Variants in MAPK8 observed in about 807,000 individuals in gnomAD.
MAPK8 encodes JUN N-terminal kinase.
In MAPK8, 13 loss-of-function variants were observed where a neutral mutation model predicts 52.9. That is an observed-to-expected ratio of 0.25 (90% CI 0.16 to 0.39). The LOEUF is 0.39. MAPK8 is among the 10% of genes least tolerant of loss of function. The pLI, the probability that MAPK8 is intolerant of heterozygous loss-of-function variation, is 1.00. For synonymous variants in MAPK8, 191 were observed against 169.8 expected, an observed-to-expected ratio of 1.12 and a Z score of -0.97; for missense variants, 300 against 519.2, an observed-to-expected ratio of 0.58 and a Z score of 4.10.
At chr10:48,341,915 A>G (rs114031812) in intron 1 of MAPK8, among the ~76,000 whole-genome samples, 1,664 of 152,354 alleles carry the variant, frequency 0.011, 34 homozygotes, top group African/African-American at 0.038. Context: ...TTGCACAGCA[A>G]TCTAGGCTGA....
At chr10:48,426,187 G>A in intron 8 of MAPK8, 117 bp downstream of exon 8, 1 of 1,029,598 alleles carries the variant, frequency 9.7e-7, no homozygotes, top group South Asian at 2.3e-5. Flanking sequence ...GGTTTTCTCT[G>A]GATGGTGGGG....
chr10:48,435,216 A>G lies in MAPK8; in HGVS notation c.*187A>G, dbSNP rs2044758872. On this transcript the variant is annotated 3_prime_UTR_variant, in exon 12 of 12. Coordinates refer to ENST00000374189, the MANE Select transcript of MAPK8 (RefSeq NM_001323329.2). ...AATTTAAAACCTAAGTTGTGTTTCAAAACAGCAACAAAACTGTATTGTATT... is the reference window on the plus strand; with the variant it reads ...AATTTAAAACCTAAGTTGTGTTTCAGAACAGCAACAAAACTGTATTGTATT... 2.1e-6 allele frequency: 1 copy of G among 468,640 alleles called. No individual in the cohort carries two copies. Among genetic ancestry groups the G allele is most frequent in the African/African-American group, 2.0e-5 (1 of 50,176 alleles). The allele number at this position is 468,640 out of a possible 1,614,324, so 29.0% of individuals were successfully genotyped here. A position where few individuals can be genotyped will look rare whatever the true frequency, so the allele number is the denominator to read the frequency against.
chr10:48,392,911 G>A lies in MAPK8; in HGVS notation c.-49-8701G>A, dbSNP rs73307982. Among the ~76,000 whole-genome samples the A allele has an allele frequency of 3.5e-3, 531 of 152,178 alleles. 4 individuals carry two copies. The highest frequency in any genetic ancestry group is 0.012 in the African/African-American group (518 of 41,528). ...GGCAGCTCATTTTAATCTAGCTTCT[G>A]CTGCGTTCGCTCTACTCAAATGGCT... On this transcript the variant is annotated intron_variant, in intron 1 of 11. Transcript: ENST00000374189.
At chr10:48,316,134 A>G (rs1242980702) in intron 1 of MAPK8, among the ~76,000 whole-genome samples, 1 of 152,204 alleles carries the variant, frequency 6.6e-6, no homozygotes, top group African/African-American at 2.4e-5. Context: ...GTCTTATTTG[A>G]TGATACAGTC....
intron 2 of MAPK8, among the ~76,000 whole-genome samples, chr10:48,402,159 G>A (rs1301956001): frequency 1.3e-5 from 2 of 152,032 alleles, no homozygotes; most frequent in South Asian, 4.1e-4. Flanking sequence ...TTCAGATTTG[G>A]GATAATAACC....
chr10:48,420,956 T>G (rs1364480123), intron 6 of MAPK8, among the ~76,000 whole-genome samples: 4 of 152,256 alleles, frequency 2.6e-5, no homozygotes, highest in Non-Finnish European at 5.9e-5. Flanking sequence ...TTTAAACATT[T>G]TGTATGCATA....
At chr10:48,414,448 A>ATTTT (rs3047768) in intron 5 of MAPK8, among the ~76,000 whole-genome samples, 3,151 of 133,768 alleles carry the variant, frequency 0.024, 213 homozygotes, top group African/African-American at 0.085. Context: ...TATTGAGAGG[A>ATTTT]TTTTTTTTTT....
chr10:48,340,587 A>G (rs1188882486), intron 1 of MAPK8, among the ~76,000 whole-genome samples: 1 of 152,200 alleles, frequency 6.6e-6, no homozygotes, highest in Non-Finnish European at 1.5e-5. Flanking sequence ...TTTTCACTAT[A>G]AAACAAAGTT....
intron 1 of MAPK8, among the ~76,000 whole-genome samples, chr10:48,346,472 G>A (rs1234287916): frequency 1.3e-5 from 2 of 152,242 alleles, no homozygotes; most frequent in African/African-American, 4.8e-5. Context: ...GAAGACGCCC[G>A]TTACCAGGCG....
At chr10:48,351,518 A>G (rs1377101407) in intron 1 of MAPK8, among the ~76,000 whole-genome samples, 1 of 152,062 alleles carries the variant, frequency 6.6e-6, no homozygotes, top group Non-Finnish European at 1.5e-5. Flanking sequence ...CCCTGACACA[A>G]ATTTTAAAGG....
At chr10:48,379,604 T>G (rs972976853) in intron 1 of MAPK8, among the ~76,000 whole-genome samples, 1 of 151,948 alleles carries the variant, frequency 6.6e-6, no homozygotes, top group Non-Finnish European at 1.5e-5. Flanking sequence ...TATAAATGGC[T>G]CAAAAAAAAT....
At chr10:48,317,918 A>G (rs542082387) in intron 1 of MAPK8, among the ~76,000 whole-genome samples, 7 of 152,240 alleles carry the variant, frequency 4.6e-5, no homozygotes, top group Non-Finnish European at 1.0e-4. Context: ...TTAAAGTGAT[A>G]TCAGTCAGCC....
chr10:48,427,804 G>T (rs1376971104), intron 10 of MAPK8, among the ~76,000 whole-genome samples: 3 of 152,210 alleles, frequency 2.0e-5, no homozygotes, highest in Non-Finnish European at 4.4e-5. Flanking sequence ...CAGATATCTG[G>T]AAGGTTATTC....
At chr10:48,348,520 G>A (rs1465052769) in intron 1 of MAPK8, among the ~76,000 whole-genome samples, 2 of 152,130 alleles carry the variant, frequency 1.3e-5, no homozygotes, top group African/African-American at 2.4e-5. Flanking sequence ...TATGTGTTAT[G>A]TCTTACATTT....
chr10:48,382,940 GTA>G (rs141088649), intron 1 of MAPK8, among the ~76,000 whole-genome samples: 2 of 139,214 alleles, frequency 1.4e-5, no homozygotes, highest in African/African-American at 2.6e-5. Flanking sequence ...ATAGCTATGT[GTA>G]TATATATATG....
intron 1 of MAPK8, among the ~76,000 whole-genome samples, chr10:48,380,347 C>CA (rs1436150909): frequency 3.3e-5 from 5 of 152,214 alleles, no homozygotes; most frequent in Non-Finnish European, 7.3e-5. Context: ...AACTGTAACT[C>CA]AAAGAAAGCT....
chr10:48,345,614 T>G (rs1052596080), intron 1 of MAPK8, among the ~76,000 whole-genome samples: 5 of 152,170 alleles, frequency 3.3e-5, no homozygotes, highest in Non-Finnish European at 7.4e-5. Context: ...TTTTCCATAG[T>G]TTTACCTATT....
intron 1 of MAPK8, among the ~76,000 whole-genome samples, chr10:48,341,416 G>C (rs1393281325): frequency 1.3e-5 from 2 of 152,192 alleles, no homozygotes; most frequent in African/African-American, 4.8e-5. Flanking sequence ...CCAGCATGAC[G>C]CTCAAAGGAA....
At chr10:48,403,207 C>T (rs1264311925) in intron 2 of MAPK8, among the ~76,000 whole-genome samples, 1 of 152,144 alleles carries the variant, frequency 6.6e-6, no homozygotes, top group Non-Finnish European at 1.5e-5. Flanking sequence ...CGCCTATAAT[C>T]CCCGCACTTT....
Sources: gnomAD v4.1 joint callset for allele counts (sites outside exome capture counted in the v4.1 genomes callset) on GRCh38, gnomAD v4.1.1 for gene constraint, MANE v1.5 for transcripts, NCBI Gene and HGNC (gene_info 2026-07-23, HGNC 2026-07-21) for gene names.